Variants in PRKAG3 observed in about 807,000 individuals in gnomAD.
PRKAG3 encodes 5'-AMP-activated protein kinase subunit gamma-3.
Under a neutral mutation model 56.5 loss-of-function variants are expected in PRKAG3, and 39 were observed. That is an observed-to-expected ratio of 0.69 (90% CI 0.53 to 0.90). The LOEUF is 0.90. Ranked by LOEUF, PRKAG3 falls within the 40% of genes least tolerant of loss-of-function variation. PRKAG3 has a pLI of 0.00. For synonymous variants in PRKAG3, 243 were observed against 250.1 expected, an observed-to-expected ratio of 0.97 and a Z score of 0.27; for missense variants, 628 against 627.5, an observed-to-expected ratio of 1.00 and a Z score of -0.01.
chr2:218,829,384 G>A (rs1943984949), intron 4 of PRKAG3, among the ~76,000 whole-genome samples: 1 of 151,044 alleles, frequency 6.6e-6, no homozygotes, highest in Non-Finnish European at 1.5e-5. Context: ...GCAGTGGCAC[G>A]ATCTCGGCTC....
chr2:218,823,205 G>A (rs536492494), downstream of PRKAG3: 8 of 325,712 alleles, frequency 2.5e-5, no homozygotes, highest in Admixed American at 1.1e-4. Context: ...CCTAGCAAAC[G>A]TGTGACCAGG....
At position 218,830,073 on chromosome 2, in the gene PRKAG3, C is replaced by T. The variant is rs372752820; in HGVS notation, c.538G>A (p.Gly180Ser). The change falls in exon 4 of 13, where the codon GGC (glycine) becomes AGC (serine). Residue 180 changes from glycine (G) to serine (S), a missense_variant. Gly to Ser is a moderately conservative substitution (Grantham distance 56, BLOSUM62 0). Coordinates refer to ENST00000529249, the Ensembl canonical transcript of PRKAG3. ...ATGAAGCGCATGTAGATCTGGGCGC[C>T]GGGTTTCCGCAGTTCGTCATCCCAG... 5.0e-5 allele frequency: 81 copies of T among 1,612,962 alleles called. No individual in the cohort carries two copies. In the South Asian group the frequency reaches 7.1e-4, roughly 14 times the overall value.
chr2:218,827,802 C>G lies in PRKAG3; in HGVS notation c.820+31G>C, dbSNP rs1943957070. ...TTAAGCCCTGGCCCACCATCACCAA[C>G]AGCCCTTTCCGGGTTCCTCTCCCCA... On this transcript the variant is annotated intron_variant, in intron 7 of 12. Coordinates refer to ENST00000529249, the Ensembl canonical transcript of PRKAG3. The surrounding 1 kb of genome is among the most constrained non-coding windows in gnomAD (Gnocchi z 5.3). 3.5e-6 allele frequency: 5 copies of G among 1,439,450 alleles called. No homozygotes were observed. The highest frequency in any genetic ancestry group is 1.2e-5 in the South Asian group (1 of 85,510). 89.2% of individuals were successfully genotyped at this position (1,439,450 alleles called of 1,614,324 possible). A position where few individuals can be genotyped will look rare whatever the true frequency, so the allele number is the denominator to read the frequency against.
chr2:218,824,143 T>A, intron 12 of PRKAG3, 79 bp downstream of exon 12: 1 of 1,606,552 alleles, frequency 6.2e-7, no homozygotes, highest in Non-Finnish European at 8.5e-7. Context: ...AGGTGCCCGA[T>A]GTTCAGGGAT....
chr2:218,823,008 C>T (rs1207401864), downstream of PRKAG3: 3 of 985,138 alleles, frequency 3.0e-6, no homozygotes, highest in Admixed American at 6.1e-5. Flanking sequence ...TCCCATGGTG[C>T]ACTGGGCATG....
rs1943954030 is a variant in PRKAG3 at position 218,827,602 on chromosome 2, G to C, written c.848C>G (p.Pro283Arg). Residue 283 changes from proline (P) to arginine (R), a missense_variant, in exon 8 of 13, where the codon CCT (proline) becomes CGT (arginine). By Grantham distance (103) the Pro-to-Arg change is moderately radical. Coordinates refer to ENST00000529249, the Ensembl canonical transcript of PRKAG3. The surrounding 1 kb of genome is among the most constrained non-coding windows in gnomAD (Gnocchi z 5.3). ...ATCATTAGGAGAGATGGAGACCAGA[G>C]GCTTGAAGCAGCCTTGCAGGTAGAT... is the stretch of plus-strand genomic sequence containing the variant. The C allele has an allele frequency of 4.3e-6, 7 of 1,614,000 alleles. No homozygotes were observed. Among genetic ancestry groups the C allele is most frequent in the Admixed American group, 3.3e-5 (2 of 60,002 alleles).
intron 11 of PRKAG3, 34 bp downstream of exon 11, chr2:218,824,505 C>T (rs768293433): frequency 1.2e-6 from 2 of 1,607,932 alleles, no homozygotes; most frequent in African/African-American, 2.7e-5. Context: ...CCCTTAGCCT[C>T]CCTGCAGCAT....
At chr2:218,831,418 A>G (rs369439206) in intron 1 of PRKAG3, 43 bp from the exon 2 acceptor site, 2 of 1,534,768 alleles carry the variant, frequency 1.3e-6, no homozygotes, top group Admixed American at 1.9e-5. Context: ...AAAGTGCCTT[A>G]CATTCCCAAA....
At position 218,827,704 on chromosome 2, in the gene PRKAG3, C is replaced by A. The variant is rs1943955720; in HGVS notation, c.821-75G>T. ...CTTGCAGTCCCAGGCAGCTTCCCTT[C>A]CGTCAGGCACCCGAGGCTCCTATTG... On this transcript the variant is annotated intron_variant, in intron 7 of 12. Coordinates refer to ENST00000529249, the Ensembl canonical transcript of PRKAG3. This position sits in a 1 kb window ranked among gnomAD's most constrained non-coding sequence, Gnocchi z 5.3. The A allele has an allele frequency of 1.9e-6, 3 of 1,574,248 alleles. No homozygotes were observed. In the Admixed American group the frequency reaches 5.0e-5, roughly 26 times the overall value.
At chr2:218,824,157 T>C in intron 12 of PRKAG3, 65 bp downstream of exon 12, 2 of 1,612,384 alleles carry the variant, frequency 1.2e-6, no homozygotes, top group Non-Finnish European at 1.7e-6. Context: ...CAGGGATGGC[T>C]GGAGCCGTGC....
In PRKAG3 at chr2:218,824,592, G is replaced by GT. The variant is rs745745712; in HGVS notation, c.1169-17dup. The GT allele has an allele frequency of 6.2e-7, 1 of 1,604,472 alleles. No individual in the cohort carries two copies. The highest frequency in any genetic ancestry group is 1.3e-5 in the African/African-American group (1 of 74,660). ...ACGACCTGACCTGCAGAGGGTGGTT[G>GT]TGGGGGGTGGGGGGAGAAAGACAGG... On this transcript the variant is annotated splice_polypyrimidine_tract_variant and intron_variant, in intron 10 of 12. Transcript: ENST00000529249.
At position 218,827,739 on chromosome 2, in the gene PRKAG3, T is replaced by A; in HGVS notation, c.820+94A>T. ...CCCGAGGCTCCTATTGTCCCTCCCC[T>A]GTTCACTCCAGGACATCCCCACTGC... On this transcript the variant is annotated intron_variant, in intron 7 of 12. Coordinates refer to ENST00000529249, the Ensembl canonical transcript of PRKAG3. The surrounding 1 kb of genome is among the most constrained non-coding windows in gnomAD (Gnocchi z 5.3). 1 of 1,559,968 alleles carries A rather than the reference T, an allele frequency of 6.4e-7. No individual in the cohort carries two copies. The highest frequency in any genetic ancestry group is 8.8e-7 in the Non-Finnish European group (1 of 1,131,234).
chr2:218,824,258 G>C, exon 12 of PRKAG3: 1 of 1,614,176 alleles, frequency 6.2e-7, no homozygotes, highest in Non-Finnish European at 8.5e-7. Flanking sequence ...CTTCCCCCAA[G>C]CTCTCGTGGG....
chr2:218,825,233 G>A (rs969684180), intron 10 of PRKAG3, among the ~76,000 whole-genome samples: 1 of 151,852 alleles, frequency 6.6e-6, no homozygotes, highest in Non-Finnish European at 1.5e-5. Flanking sequence ...CTATTTGGGC[G>A]GCTGAGGCAG....
intron 4 of PRKAG3, among the ~76,000 whole-genome samples, chr2:218,829,621 C>T (rs771667558): frequency 2.0e-5 from 3 of 152,048 alleles, no homozygotes; most frequent in Non-Finnish European, 4.4e-5. Flanking sequence ...CCACCGTGCC[C>T]GGCCTCTGCA....
intron 12 of PRKAG3, 63 bp from the exon 13 acceptor site, chr2:218,823,941 G>A: frequency 6.6e-7 from 1 of 1,515,434 alleles, no homozygotes; most frequent in Non-Finnish European, 9.2e-7. Context: ...TACTGAGGTT[G>A]GTGCCAAGAA....
chr2:218,826,545 C>T (rs762664202), intron 10 of PRKAG3: 28 of 303,846 alleles, frequency 9.2e-5, no homozygotes, highest in Non-Finnish European at 1.7e-4. Context: ...TGGCCTCAAG[C>T]GACCTTCTCG....
rs150963042 is a variant in PRKAG3, at chr2:218,824,381, G to A, written c.1207-13C>T. The A allele has an allele frequency of 6.2e-7, 1 of 1,614,104 alleles. No individual in the cohort carries two copies. Among genetic ancestry groups the A allele is most frequent in the East Asian group, 2.2e-5 (1 of 44,884 alleles). Reference sequence around the variant, plus strand: ...GGGCAGCCAGGTGCTGGGGCAGAGAGAGAAGTATGGCTCCTAGTCACCCCC... The same window carrying A: ...GGGCAGCCAGGTGCTGGGGCAGAGAAAGAAGTATGGCTCCTAGTCACCCCC... On this transcript the variant is annotated splice_polypyrimidine_tract_variant and intron_variant, in intron 11 of 12. Coordinates refer to ENST00000529249, the Ensembl canonical transcript of PRKAG3.
chr2:218,822,877 C>T (rs1480784421), downstream of PRKAG3: 10 of 985,014 alleles, frequency 1.0e-5, no homozygotes, highest in South Asian at 4.7e-5. Context: ...TGGGGCCATC[C>T]GACCCAGTCA....
Sources: allele counts gnomAD v4.1 joint callset (sites outside exome capture counted in the v4.1 genomes callset), GRCh38; gene constraint gnomAD v4.1.1; non-coding constraint Gnocchi (gnomAD v3.1); transcripts MANE v1.5; gene names NCBI Gene and HGNC (gene_info 2026-07-23, HGNC 2026-07-21).